The following TMEM184A variants were observed in gnomAD, a reference collection of about 807,000 sequenced individuals.
TMEM184A encodes the protein transmembrane protein 184A.
Under a neutral mutation model 39.5 loss-of-function variants are expected in TMEM184A, and 40 were observed. That is an observed-to-expected ratio of 1.01 (90% CI 0.79 to 1.32). The LOEUF (loss-of-function observed/expected upper bound fraction) is 1.32, where lower values mean the gene tolerates loss of function less well. Among genes scored for constraint, TMEM184A ranks in the 40% most tolerant of loss-of-function variants. The pLI, the probability that TMEM184A is intolerant of heterozygous loss-of-function variation, is 0.00. For synonymous variants in TMEM184A, 280 were observed against 252.3 expected (o/e 1.11, Z -1.04); for missense variants, 603 against 568.8 (o/e 1.06, Z -0.61).
chr7:1,549,779 G>C (rs1400064720), intron 6 of TMEM184A, 75 bp downstream of exon 6: 20 of 1,385,072 alleles, frequency 1.4e-5, no homozygotes, highest in Non-Finnish European at 2.0e-5. Flanking sequence ...AGTCCGCCTC[G>C]TTGGGCCCCA....
chr7:1,548,315 C>T (rs1309346877), intron 7 of TMEM184A, among the ~76,000 whole-genome samples: 2 of 152,076 alleles, frequency 1.3e-5, no homozygotes, highest in African/African-American at 2.4e-5. Context: ...CACCTGCTGG[C>T]GGGACCTCCC....
chr7:1,554,864 C>G (rs973553820), intron 2 of TMEM184A, among the ~76,000 whole-genome samples: 1 of 152,220 alleles, frequency 6.6e-6, no homozygotes, highest in Non-Finnish European at 1.5e-5. Context: ...TGCCAACCTC[C>G]CACCAGCCTT....
In TMEM184A at chr7:1,555,314, G is replaced by T; in HGVS notation, c.171C>A (p.Gly57=). The stretch of plus-strand genomic sequence containing the variant: ...CAGTCCACACGAAGATCCCCGAGAC[G>T]CCTCGGGCCAGTGCGGAGGTGAGGA... ...WLFLTSALAR[G]VSGIFVWTAL... Residue 57 remains glycine (G), a synonymous_variant, in exon 2 of 9, where the codon GGC becomes GGA. Transcript: ENST00000297477. The surrounding 1 kb of genome is among the most constrained non-coding windows in gnomAD (Gnocchi z 5.2). 1 of 1,607,792 alleles carries T rather than the reference G, an allele frequency of 6.2e-7. No homozygotes were observed.
chr7:1,553,074 A>G (rs990085126), intron 2 of TMEM184A, among the ~76,000 whole-genome samples: 6 of 152,052 alleles, frequency 3.9e-5, no homozygotes, highest in Non-Finnish European at 5.9e-5. Flanking sequence ...AAAGCCTGGG[A>G]AAAAGTATGG....
chr7:1,555,284 C>G lies in TMEM184A; in HGVS notation c.201G>C (p.Leu67=). The G allele has an allele frequency of 6.2e-7, 1 of 1,606,244 alleles. No individual in the cohort carries two copies. The highest frequency in any genetic ancestry group is 2.2e-5 in the East Asian group (1 of 44,692). Residue 67 remains leucine, a synonymous_variant, in exon 2 of 9, where the codon CTG becomes CTC. Coordinates refer to ENST00000297477, the MANE Select transcript of TMEM184A (RefSeq NM_001097620.2). The surrounding 1 kb of genome is among the most constrained non-coding windows in gnomAD (Gnocchi z 5.2). The stretch of plus-strand genomic sequence containing the variant: ...GGCTTACCTGGTGGCAGGTGAGCAC[C>G]AGGGCAGTCCACACGAAGATCCCCG... ...GVSGIFVWTA[L]VLTCHQIYLH... is the part of the protein sequence containing the mutation.
rs1322198262 is a variant in TMEM184A at position 1,547,724 on chromosome 7, C to A, written c.1012+18G>T. On this transcript the variant is annotated intron_variant, in intron 8 of 8. Coordinates refer to ENST00000297477, the MANE Select transcript of TMEM184A (RefSeq NM_001097620.2). ...GGGCTGTGCGCTCCGGGTGCCCCAG[C>A]TGGAAGGCAGGGTGTACCTGGTGAA... is the stretch of plus-strand genomic sequence containing the variant. The A allele has an allele frequency of 6.2e-7, 1 of 1,606,798 alleles. No individual in the cohort carries two copies. Among genetic ancestry groups the A allele is most frequent in the Non-Finnish European group, 8.5e-7 (1 of 1,177,068 alleles).
intron 3 of TMEM184A, 67 bp downstream of exon 3, chr7:1,550,750 T>C (rs1216945529): frequency 5.7e-5 from 89 of 1,572,034 alleles, no homozygotes; most frequent in Non-Finnish European, 7.4e-5. Context: ...TGGAAGAGTG[T>C]GCGTGCACGC....
rs993198413 is a variant in TMEM184A, at chr7:1,544,969, A to C, written c.*1983T>G. On this transcript the variant is annotated 3_prime_UTR_variant, in exon 9 of 9. Coordinates refer to ENST00000297477, the MANE Select transcript of TMEM184A (RefSeq NM_001097620.2). ...TGCTGACATAGGGGCTCAGCCCCTGACACCTCAGCCTCTGCCGCCCGGAGC... is the reference window on the plus strand; with the variant it reads ...TGCTGACATAGGGGCTCAGCCCCTGCCACCTCAGCCTCTGCCGCCCGGAGC... The C allele has an allele frequency of 6.6e-6, 1 of 152,196 alleles. No individual in the cohort carries two copies. The highest frequency in any genetic ancestry group is 2.4e-5 in the African/African-American group (1 of 41,438). 9.4% of individuals were successfully genotyped at this position (152,196 alleles called of 1,614,324 possible).
chr7:1,548,584 C>T lies in TMEM184A; in HGVS notation c.749G>A (p.Arg250Gln), dbSNP rs773806313. Residue 250 changes from arginine (R) to glutamine (Q), a missense_variant, in exon 7 of 9, where the codon CGG (arginine) becomes CAG (glutamine). Physicochemically the swap from Arg to Gln is conservative, Grantham distance 43 (BLOSUM62 1). Transcript: ENST00000297477. ...GAACTTGAGGACGGGCTGGAAGGGC[C>T]GCAGGAGCTCCCTGGTGGTGAAGTA... ...LFYFTTRELL[R>Q]PFQPVLKFLT... The T allele has an allele frequency of 1.5e-5, 25 of 1,613,702 alleles. No homozygotes were observed. Among genetic ancestry groups the T allele is most frequent in the South Asian group, 1.5e-4 (14 of 91,082 alleles).
chr7:1,553,353 A>G (rs1316862077), intron 2 of TMEM184A, among the ~76,000 whole-genome samples: 1 of 151,828 alleles, frequency 6.6e-6, no homozygotes, highest in Non-Finnish European at 1.5e-5. Flanking sequence ...GAGTTTCCCC[A>G]TGTTGGCCAG....
chr7:1,548,891 G>A, intron 6 of TMEM184A: 1 of 715,344 alleles, frequency 1.4e-6, no homozygotes, highest in Non-Finnish European at 2.5e-6. Context: ...GGGGGCCTAT[G>A]CAGGGGTAGG....
intron 2 of TMEM184A, among the ~76,000 whole-genome samples, chr7:1,553,798 A>G (rs918978732): frequency 1.3e-5 from 2 of 151,940 alleles, no homozygotes; most frequent in Admixed American, 1.3e-4. Flanking sequence ...CGGTCCTCCC[A>G]TGTATAAAGT....
chr7:1,549,795 G>A (rs1016428602), intron 6 of TMEM184A, 59 bp downstream of exon 6: 57 of 1,491,372 alleles, frequency 3.8e-5, no homozygotes, highest in South Asian at 1.1e-4. Flanking sequence ...CCCCACTCCC[G>A]GGCCCCGGGG....
In TMEM184A at chr7:1,546,741, C is replaced by T. The variant is rs1057449422; in HGVS notation, c.*211G>A. On this transcript the variant is annotated 3_prime_UTR_variant, in exon 9 of 9. Coordinates refer to ENST00000297477, the MANE Select transcript of TMEM184A (RefSeq NM_001097620.2). Reference sequence around the variant, plus strand: ...CGATTGGCTCAGGTGCCCTCTCCTGCGGTGGCGGGCCCACCTGGGTGCCTG... The same window carrying T: ...CGATTGGCTCAGGTGCCCTCTCCTGTGGTGGCGGGCCCACCTGGGTGCCTG... The T allele has an allele frequency of 3.6e-5, 19 of 524,250 alleles. No individual in the cohort carries two copies. The Admixed American group carries it at 4.9e-4, about 14-fold the overall frequency. The allele number at this position is 524,250 out of a possible 1,614,324, so 32.5% of individuals were successfully genotyped here.
rs953310652 is a variant in TMEM184A at position 1,555,183 on chromosome 7, C to T, written c.219+83G>A. 6.7e-6 allele frequency: 8 copies of T among 1,185,206 alleles called. No homozygotes were observed. The African/African-American group carries it at 9.2e-5, about 14-fold the overall frequency. 73.4% of individuals were successfully genotyped at this position (1,185,206 alleles called of 1,614,324 possible). ...CTTCTGACAGCGTCTATAGCAGCGG[C>T]ACCCAGGGGGACCGGGCTGAGCCAC... On this transcript the variant is annotated intron_variant, in intron 2 of 8. Coordinates refer to ENST00000297477, the MANE Select transcript of TMEM184A (RefSeq NM_001097620.2). The surrounding 1 kb of genome is among the most constrained non-coding windows in gnomAD (Gnocchi z 5.2).
intron 7 of TMEM184A, 94 bp from the exon 8 acceptor site, chr7:1,548,033 C>T: frequency 1.5e-6 from 2 of 1,372,388 alleles, no homozygotes; most frequent in Non-Finnish European, 2.0e-6. Context: ...CTGACGGGTG[C>T]TGTGACCCCG....
chr7:1,549,810 C>T, intron 6 of TMEM184A, 44 bp downstream of exon 6: 3 of 1,534,186 alleles, frequency 2.0e-6, no homozygotes, highest in Non-Finnish European at 2.6e-6. Flanking sequence ...CCGGGGGACC[C>T]AGTGCCCACC....
intron 2 of TMEM184A, among the ~76,000 whole-genome samples, chr7:1,552,792 C>T (rs962170078): frequency 1.3e-5 from 2 of 152,182 alleles, no homozygotes; most frequent in Non-Finnish European, 2.9e-5. Context: ...CGGTGGCCCA[C>T]GCCTGTAATC....
intron 2 of TMEM184A, among the ~76,000 whole-genome samples, chr7:1,552,995 C>T (rs951419247): frequency 2.4e-4 from 37 of 152,078 alleles, no homozygotes; most frequent in African/African-American, 8.4e-4. Context: ...GCGGAGGCTG[C>T]AGTGAGCACT....
Sources: gnomAD v4.1 joint callset for allele counts (sites outside exome capture counted in the v4.1 genomes callset) on GRCh38, gnomAD v4.1.1 for gene constraint, Gnocchi (gnomAD v3.1) non-coding constraint, MANE v1.5 for transcripts, NCBI Gene and HGNC (gene_info 2026-07-23, HGNC 2026-07-21) for gene names.